Variants in AFTPH observed in about 807,000 individuals in gnomAD.
AFTPH encodes aftiphilin.
Under a neutral mutation model 72.5 loss-of-function variants are expected in AFTPH, and 7 were observed. That is an observed-to-expected ratio of 0.10 (90% CI 0.05 to 0.18). The LOEUF (loss-of-function observed/expected upper bound fraction) is 0.18, where lower values mean the gene tolerates loss of function less well. Ranked by LOEUF, AFTPH falls within the 10% of genes least tolerant of loss-of-function variation. The probability of loss-of-function intolerance (pLI) is 1.00; values close to 1 mark genes in which losing one functional copy is unlikely to be tolerated. For missense variants in AFTPH, 979 were observed against 1,060.5 expected (o/e 0.92, Z 1.07); for synonymous variants, 337 against 370.1 (o/e 0.91, Z 1.03).
intron 1 of AFTPH, among the ~76,000 whole-genome samples, chr2:64,550,546 T>C (rs1670965581): frequency 6.6e-6 from 1 of 152,022 alleles, no homozygotes; most frequent in South Asian, 2.1e-4. Context: ...AGGATTAGGG[T>C]TTAGGGAAGA....
At chr2:64,535,025 G>C (rs917647991) in intron 1 of AFTPH, among the ~76,000 whole-genome samples, 4 of 152,020 alleles carry the variant, frequency 2.6e-5, no homozygotes, top group Non-Finnish European at 5.9e-5. Context: ...CCTTGTTTTT[G>C]AAATCTTAAG....
At chr2:64,589,435 A>G (rs1251692679) in intron 8 of AFTPH, among the ~76,000 whole-genome samples, 1 of 152,226 alleles carries the variant, frequency 6.6e-6, no homozygotes, top group Non-Finnish European at 1.5e-5. Context: ...CTAGAGAGGA[A>G]TAGATCAAAA....
chr2:64,524,754 C>G, intron 1 of AFTPH, 142 bp downstream of exon 1: 1 of 356,934 alleles, frequency 2.8e-6, no homozygotes, highest in East Asian at 4.1e-5. Flanking sequence ...GGAGCTGGCT[C>G]TGCGGGCCTG....
At chr2:64,533,670 T>C (rs1669747157) in intron 1 of AFTPH, among the ~76,000 whole-genome samples, 1 of 152,158 alleles carries the variant, frequency 6.6e-6, no homozygotes, top group South Asian at 2.1e-4. Context: ...TTGCTAGTGA[T>C]GTGATGGTAT....
At chr2:64,570,852 C>G (rs1438251195) in intron 5 of AFTPH, among the ~76,000 whole-genome samples, 2 of 149,154 alleles carry the variant, frequency 1.3e-5, no homozygotes, top group African/African-American at 4.9e-5. Context: ...CTTTATTTTT[C>G]AACCTTTATT....
At chr2:64,574,620 A>G (rs144684010) in intron 6 of AFTPH, among the ~76,000 whole-genome samples, 2 of 152,338 alleles carry the variant, frequency 1.3e-5, no homozygotes, top group Non-Finnish European at 2.9e-5. Context: ...ACTGCTGTGT[A>G]CCACTGTGTT....
rs138577186 is a variant in AFTPH, at chr2:64,527,434, G to A, written c.-33+2822G>A. On this transcript the variant is annotated intron_variant, in intron 1 of 8. Transcript: ENST00000238856. ...CGTCTCTACTGAAAATACAAAATTA[G>A]CCGGGTGTGGTGGCACATGCCTATA... 7.2e-5 allele frequency among the ~76,000 whole-genome samples: 11 copies of A among 152,214 alleles called. No individual in the cohort carries two copies. In the East Asian group the frequency reaches 2.1e-3, roughly 29 times the overall value.
chr2:64,563,413 C>A (rs989079197), intron 2 of AFTPH, among the ~76,000 whole-genome samples: 2 of 152,026 alleles, frequency 1.3e-5, no homozygotes, highest in African/African-American at 4.8e-5. Context: ...ATTTTATGTT[C>A]AAAATAGCAA....
chr2:64,529,065 T>A (rs760736949), intron 1 of AFTPH, among the ~76,000 whole-genome samples: 4 of 152,168 alleles, frequency 2.6e-5, no homozygotes, highest in Non-Finnish European at 5.9e-5. Flanking sequence ...GTTTCTTGAA[T>A]TGGAATCTGC....
At chr2:64,530,997 G>A (rs1669596465) in intron 1 of AFTPH, among the ~76,000 whole-genome samples, 1 of 137,048 alleles carries the variant, frequency 7.3e-6, no homozygotes, top group African/African-American at 2.8e-5. Context: ...GGGAGGTGGA[G>A]ATTGCAGTGA....
chr2:64,525,337 C>T (rs1482194351), intron 1 of AFTPH, among the ~76,000 whole-genome samples: 1 of 152,106 alleles, frequency 6.6e-6, no homozygotes, highest in Admixed American at 6.5e-5. Flanking sequence ...GGTCCTTGCT[C>T]TATTAGGAAA....
At chr2:64,584,254 ATGTTAT>A (rs1259971051) in intron 7 of AFTPH, among the ~76,000 whole-genome samples, 1 of 152,002 alleles carries the variant, frequency 6.6e-6, no homozygotes, top group Non-Finnish European at 1.5e-5. Flanking sequence ...GTTCTTTTTA[ATGTTAT>A]TGTTGTCATC....
At chr2:64,545,447 T>G (rs1670521733) in intron 1 of AFTPH, among the ~76,000 whole-genome samples, 1 of 150,442 alleles carries the variant, frequency 6.6e-6, no homozygotes, top group African/African-American at 2.4e-5. Context: ...TGTTTATGTA[T>G]GTACACACAC....
At chr2:64,550,007 A>G (rs1670934373) in intron 1 of AFTPH, among the ~76,000 whole-genome samples, 1 of 152,226 alleles carries the variant, frequency 6.6e-6, no homozygotes, top group Non-Finnish European at 1.5e-5. Flanking sequence ...TTGGGAAAAC[A>G]GCTTGGCAGT....
chr2:64,552,781 G>A, exon 2 of AFTPH: 1 of 1,614,152 alleles, frequency 6.2e-7, no homozygotes, highest in South Asian at 1.1e-5. Flanking sequence ...GGTGATTTTG[G>A]TGACTTTGGC....
intron 2 of AFTPH, among the ~76,000 whole-genome samples, chr2:64,565,948 G>A (rs571475963): frequency 1.8e-4 from 28 of 152,300 alleles, no homozygotes; most frequent in Non-Finnish European, 2.9e-4. Context: ...GGTTGGATGT[G>A]TTTTAGGGTC....
chr2:64,583,285 G>T, intron 7 of AFTPH, among the ~76,000 whole-genome samples: 1 of 146,684 alleles, frequency 6.8e-6, no homozygotes, highest in African/African-American at 2.5e-5. Flanking sequence ...CTTTAGTTAT[G>T]TAACTAAACC....
chr2:64,577,291 A>G (rs1167257005), intron 6 of AFTPH, among the ~76,000 whole-genome samples: 1 of 152,172 alleles, frequency 6.6e-6, no homozygotes, highest in Non-Finnish European at 1.5e-5. Flanking sequence ...CCATACTTGT[A>G]TACTTGTGAA....
chr2:64,524,367 T>C, exon 1 of AFTPH: 1 of 401,870 alleles, frequency 2.5e-6, no homozygotes, highest in Non-Finnish European at 4.4e-6. Flanking sequence ...GCGGGGGGTC[T>C]CCGCGGAGGA....
Sources: gnomAD v4.1 joint callset for allele counts (sites outside exome capture counted in the v4.1 genomes callset) on GRCh38, gnomAD v4.1.1 for gene constraint, MANE v1.5 for transcripts, NCBI Gene and HGNC (gene_info 2026-07-23, HGNC 2026-07-21) for gene names.